Variants in AP1G2 observed in about 807,000 individuals in gnomAD.
The protein encoded by AP1G2 is adaptor related protein complex 1 subunit gamma 2, also known as AP-1 complex subunit gamma-like 2.
In AP1G2, 85 loss-of-function variants were observed where a neutral mutation model predicts 95.8. That is an observed-to-expected ratio of 0.89 (90% CI 0.74 to 1.06). The LOEUF is 1.06. Ranked by LOEUF, AP1G2 falls within the 50% of genes least tolerant of loss-of-function variation. The probability of loss-of-function intolerance (pLI) is 0.00; values close to 1 mark genes in which losing one functional copy is unlikely to be tolerated. For missense variants in AP1G2, 967 were observed against 1,005.8 expected, an observed-to-expected ratio of 0.96 and a Z score of 0.52; for synonymous variants, 378 against 400.0, an observed-to-expected ratio of 0.94 and a Z score of 0.66.
Position 23,563,621 on chromosome 14 carries a change from C to A in AP1G2, c.1250G>T (p.Arg417Leu), listed in dbSNP as rs1267699483. Residue 417 changes from arginine (R) to leucine (L), a missense_variant, in exon 13 of 22, where the codon CGC becomes CTC. Physicochemically the swap from Arg to Leu is moderately radical, Grantham distance 102. Coordinates refer to ENST00000397120, the MANE Select transcript of AP1G2 (RefSeq NM_003917.5). Reference sequence around the variant, plus strand: ...ATGCAGGATGGTGTCTATGTGCCAGCGTTTGGTTGGAGCAAACCTAGGGGA... The same window carrying A: ...ATGCAGGATGGTGTCTATGTGCCAGAGTTTGGTTGGAGCAAACCTAGGGGA... ...LAAERFAPTK[R>L]WHIDTILHVL... 6.2e-7 allele frequency: 1 copy of A among 1,614,200 alleles called. No homozygotes were observed.
chr14:23,567,573 C>G lies in AP1G2; in HGVS notation c.-6+166G>C. Reference sequence around the variant, plus strand: ...GCATGCGCGGGAGCCCCACCTATTTCTCTCTACCGTTTCCTCCCCCTACCT... The same window carrying G: ...GCATGCGCGGGAGCCCCACCTATTTGTCTCTACCGTTTCCTCCCCCTACCT... On this transcript the variant is annotated intron_variant, in intron 1 of 21. Transcript: ENST00000397120. The surrounding 1 kb of genome is among the most constrained non-coding windows in gnomAD (Gnocchi z 5.3). 7.7e-7 allele frequency: 1 copy of G among 1,290,910 alleles called. No individual in the cohort carries two copies. The highest frequency in any genetic ancestry group is 3.4e-5 in the East Asian group (1 of 29,672). 80.0% of individuals were successfully genotyped at this position (1,290,910 alleles called of 1,614,324 possible).
At chr14:23,561,009 TG>T in intron 19 of AP1G2, 1 of 891,840 alleles carries the variant, frequency 1.1e-6, no homozygotes, top group Non-Finnish European at 1.4e-6. Context: ...ATGCCAAGGG[TG>T]GGAGGGTGTG....
intron 17 of AP1G2, 37 bp from the exon 18 acceptor site, chr14:23,561,672 C>A: frequency 1.2e-6 from 2 of 1,608,012 alleles, no homozygotes; most frequent in South Asian, 2.2e-5. Flanking sequence ...TCTGTGTGGT[C>A]TCTGGGCCTT....
In AP1G2 at chr14:23,561,443, G is replaced by T. The variant is rs1245683888; in HGVS notation, c.1858-12C>A. 1.2e-6 allele frequency: 2 copies of T among 1,613,214 alleles called. No individual in the cohort carries two copies. The highest frequency in any genetic ancestry group is 1.7e-6 in the Non-Finnish European group (2 of 1,179,326). ...AGGAGCTGTGAGGCCTGGCAGAAGG[G>T]ACAGAAGGGGCAGGGCTGGGTATGA... On this transcript the variant is annotated splice_polypyrimidine_tract_variant and intron_variant, in intron 18 of 21. Coordinates refer to ENST00000397120, the MANE Select transcript of AP1G2 (RefSeq NM_003917.5).
chr14:23,563,275 G>A lies in AP1G2; in HGVS notation c.1410+105C>T, dbSNP rs1307218995. 4.6e-6 allele frequency: 7 copies of A among 1,518,260 alleles called. No homozygotes were observed. In the Admixed American group the frequency reaches 8.2e-5, roughly 18 times the overall value. The allele number at this position is 1,518,260 out of a possible 1,614,324, so 94.0% of individuals were successfully genotyped here. On this transcript the variant is annotated intron_variant, in intron 14 of 21. Coordinates refer to ENST00000397120, the MANE Select transcript of AP1G2 (RefSeq NM_003917.5). Reference sequence around the variant, plus strand: ...AGATGTCTTCTGCACTGTGTAAGCAGCTGTGACCTTGAGAGAAAAATTGGA... The same window carrying A: ...AGATGTCTTCTGCACTGTGTAAGCAACTGTGACCTTGAGAGAAAAATTGGA...
rs1033546872 is a variant in AP1G2, at chr14:23,562,683, G to A, written c.1411-90C>T. ...ATTGGGAGGCTGAGGCGGGAGGATT[G>A]CTTGAGACCAGGAGTTCAAGACCAG... On this transcript the variant is annotated intron_variant, in intron 14 of 21. Coordinates refer to ENST00000397120, the MANE Select transcript of AP1G2 (RefSeq NM_003917.5). 8.9e-6 allele frequency: 12 copies of A among 1,349,892 alleles called. No individual in the cohort carries two copies. In the East Asian group the frequency reaches 2.7e-4, roughly 31 times the overall value. 83.6% of individuals were successfully genotyped at this position (1,349,892 alleles called of 1,614,324 possible). A position where few individuals can be genotyped will look rare whatever the true frequency, so the allele number is the denominator to read the frequency against.
chr14:23,565,319 C>T (rs1887307935), intron 7 of AP1G2, 120 bp from the exon 8 acceptor site: 1 of 1,036,624 alleles, frequency 9.6e-7, no homozygotes, highest in Admixed American at 2.1e-5. Context: ...CCCCCACCTC[C>T]TCACCTCCAC....
chr14:23,563,036 G>A, intron 14 of AP1G2: 1 of 1,181,514 alleles, frequency 8.5e-7, no homozygotes, highest in Non-Finnish European at 1.1e-6. Context: ...TGGAAAAGGG[G>A]GCTATAGATA....
chr14:23,566,149 AGTCAGAATAGCCTGCAGAG>A lies in AP1G2; in HGVS notation c.472-8_482del. ...GGACCTTCCGGATCATGTGCACTGC[AGTCAGAATAGCCTGCAGAG>A]GTCAGGGGCCTCAGACAGGGGTCAG... On this transcript the variant is annotated splice_acceptor_variant and splice_polypyrimidine_tract_variant and coding_sequence_variant and intron_variant, in exon 5 of 22. Transcript: ENST00000397120. LOFTEE classifies it high-confidence loss of function. 12 of 1,603,752 alleles carry A rather than the reference AGTCAGAATAGCCTGCAGAG, an allele frequency of 7.5e-6. No individual in the cohort carries two copies. The highest frequency in any genetic ancestry group is 1.0e-5 in the Non-Finnish European group (12 of 1,173,808).
At chr14:23,562,448 G>T (rs781737034) in intron 15 of AP1G2, 33 bp from the exon 16 acceptor site, 2 of 1,614,026 alleles carry the variant, frequency 1.2e-6, no homozygotes, top group Non-Finnish European at 1.7e-6. Flanking sequence ...TGGCCCTGGT[G>T]CAAGTCCTGT....
chr14:23,562,220 G>C (rs1433458112), intron 16 of AP1G2, 68 bp downstream of exon 16: 1 of 1,604,928 alleles, frequency 6.2e-7, no homozygotes, highest in Non-Finnish European at 8.5e-7. Context: ...TGTATGCCTG[G>C]AAAGAAACTC....
At position 23,565,697 on chromosome 14, in the gene AP1G2, A is replaced by G. The variant is rs763046038; in HGVS notation, c.650T>C (p.Val217Ala). The stretch of plus-strand genomic sequence containing the variant: ...CCGGAGGATGTGTACCAGCTGGGGT[A>G]CCACCTGGAGGGAGGGCACAACTTT... ...PAALRHFRKV[V>A]PQLVHILRTL... Residue 217 changes from valine (V) to alanine (A), a missense_variant, in exon 7 of 22, where the codon GTA becomes GCA. Physicochemically the swap from Val to Ala is moderately conservative, Grantham distance 64. Coordinates refer to ENST00000397120, the MANE Select transcript of AP1G2 (RefSeq NM_003917.5). 1.9e-6 allele frequency: 3 copies of G among 1,613,668 alleles called. No homozygotes were observed. The highest frequency in any genetic ancestry group is 3.3e-5 in the Admixed American group (2 of 60,026).
intron 16 of AP1G2, 104 bp downstream of exon 16, chr14:23,562,184 G>T: frequency 6.3e-7 from 1 of 1,593,886 alleles, no homozygotes; most frequent in Non-Finnish European, 8.6e-7. Context: ...AGAACCTAAG[G>T]GCTAGGGGGT....
intron 17 of AP1G2, 139 bp from the exon 18 acceptor site, chr14:23,561,774 G>A: frequency 6.8e-7 from 1 of 1,469,098 alleles, no homozygotes; most frequent in Non-Finnish European, 9.0e-7. Context: ...AAAATGACAT[G>A]TTGTTGCTGA....
At position 23,562,733 on chromosome 14, in the gene AP1G2, C is replaced by A. The variant is rs564582636; in HGVS notation, c.1411-140G>T. On this transcript the variant is annotated intron_variant, in intron 14 of 21. Coordinates refer to ENST00000397120, the MANE Select transcript of AP1G2 (RefSeq NM_003917.5). Reference sequence around the variant, plus strand: ...GCCTGGGCAACAAAGCGAGACCCCCCCCATCTCTATTTTAAAAAAAAAAAG... The same window carrying A: ...GCCTGGGCAACAAAGCGAGACCCCCACCATCTCTATTTTAAAAAAAAAAAG... 39 of 746,616 alleles carry A rather than the reference C, an allele frequency of 5.2e-5. No homozygotes were observed. The East Asian group carries it at 1.0e-3, about 20-fold the overall frequency. 46.2% of individuals were successfully genotyped at this position (746,616 alleles called of 1,614,324 possible). A position where few individuals can be genotyped will look rare whatever the true frequency, so the allele number is the denominator to read the frequency against.
intron 7 of AP1G2, 21 bp downstream of exon 7, chr14:23,565,585 A>G: frequency 6.3e-7 from 1 of 1,587,252 alleles, no homozygotes; most frequent in Non-Finnish European, 8.7e-7. Flanking sequence ...CCAGGGATAC[A>G]GCAGTGAAAG....
In AP1G2 at chr14:23,564,302, C is replaced by T. The variant is rs768874134; in HGVS notation, c.977+31G>A. 2.5e-6 allele frequency: 4 copies of T among 1,614,034 alleles called. No individual in the cohort carries two copies. In the East Asian group the frequency reaches 8.9e-5, roughly 36 times the overall value. On this transcript the variant is annotated intron_variant, in intron 10 of 21. Coordinates refer to ENST00000397120, the MANE Select transcript of AP1G2 (RefSeq NM_003917.5). ...GGGCAGAGGGCCAGGGGATCAGTGG[C>T]ACAGCCTAGGTAGACAGTTGGGACT...
chr14:23,566,479 C>G, intron 3 of AP1G2, 60 bp from the exon 4 acceptor site: 1 of 1,606,770 alleles, frequency 6.2e-7, no homozygotes, highest in South Asian at 1.1e-5. Flanking sequence ...TTTTCAATAC[C>G]CACAACAGGC....
rs376897001 is a variant in AP1G2 at position 23,564,171 on chromosome 14, G to C, written c.978-12C>G. The C allele has an allele frequency of 4.3e-4, 695 of 1,613,270 alleles. No homozygotes were observed. The highest frequency in any genetic ancestry group is 5.3e-4 in the Non-Finnish European group (626 of 1,179,696). On this transcript the variant is annotated splice_polypyrimidine_tract_variant and intron_variant, in intron 10 of 21. Coordinates refer to ENST00000397120, the MANE Select transcript of AP1G2 (RefSeq NM_003917.5). The stretch of plus-strand genomic sequence containing the variant: ...TCAGGGCTACATACCTGGTCAGGAT[G>C]GGGGAGGTTCTATCATACCATGGCC...
Sources: gnomAD v4.1 joint callset for allele counts on GRCh38, gnomAD v4.1.1 for gene constraint, Gnocchi (gnomAD v3.1) non-coding constraint, MANE v1.5 for transcripts, NCBI Gene and HGNC (gene_info 2026-07-23, HGNC 2026-07-21) for gene names.